Variants in CDH22 observed in about 807,000 individuals in gnomAD.
CDH22 encodes the protein cadherin 22.
CDH22 carries 30 observed loss-of-function variants against 58.4 expected under a neutral mutation model. The ratio of observed to expected loss-of-function variants is 0.51; its 90% CI spans 0.38 to 0.70. The LOEUF (loss-of-function observed/expected upper bound fraction) is 0.70, where lower values mean the gene tolerates loss of function less well. CDH22 is among the 30% of genes least tolerant of loss of function. CDH22 has a pLI of 0.00. For missense variants in CDH22, 1,014 were observed against 1,233.9 expected (o/e 0.82, Z 2.67); for synonymous variants, 513 against 558.2 (o/e 0.92, Z 1.14).
intron 4 of CDH22, among the ~76,000 whole-genome samples, chr20:46,218,017 G>A (rs1245294614): frequency 2.6e-5 from 4 of 151,546 alleles, no homozygotes; most frequent in Non-Finnish European, 4.4e-5. Context: ...ACCTCCTCCC[G>A]GGTTCAAGCA....
chr20:46,241,848 T>C lies in CDH22; in HGVS notation c.256-591A>G, dbSNP rs1336148509. 1.3e-5 allele frequency among the ~76,000 whole-genome samples: 2 copies of C among 152,196 alleles called. No individual in the cohort carries two copies. The highest frequency in any genetic ancestry group is 2.9e-5 in the Non-Finnish European group (2 of 68,038). On this transcript the variant is annotated intron_variant, in intron 2 of 11. Transcript: ENST00000537909. The surrounding 1 kb of genome is among the most constrained non-coding windows in gnomAD (Gnocchi z 5.2). ...AACTCTAGTATGCATGCAGTTCACCTGGGGATCTTGTTAAAATGCAGATTC... is the reference window on the plus strand; with the variant it reads ...AACTCTAGTATGCATGCAGTTCACCCGGGGATCTTGTTAAAATGCAGATTC...
chr20:46,272,878 G>T (rs2086499007), intron 1 of CDH22, among the ~76,000 whole-genome samples: 1 of 152,146 alleles, frequency 6.6e-6, no homozygotes, highest in Non-Finnish European at 1.5e-5. Context: ...CATTGTACTT[G>T]AATTTTATTT....
chr20:46,277,629 G>A (rs2086525584), intron 1 of CDH22, among the ~76,000 whole-genome samples: 2 of 152,070 alleles, frequency 1.3e-5, no homozygotes, highest in Admixed American at 6.6e-5. Flanking sequence ...AGAGTGGGGT[G>A]GAGGAAATCA....
intron 1 of CDH22, among the ~76,000 whole-genome samples, chr20:46,297,228 C>A (rs2086632784): frequency 6.6e-6 from 1 of 152,010 alleles, no homozygotes; most frequent in Admixed American, 6.6e-5. Context: ...GAGGTCAGGG[C>A]TCTGTGAGTA....
chr20:46,248,103 C>T (rs2086343784), intron 2 of CDH22, among the ~76,000 whole-genome samples: 1 of 151,352 alleles, frequency 6.6e-6, no homozygotes, highest in African/African-American at 2.4e-5. Context: ...GCTGTGTAGA[C>T]TTGGCATGAT....
intron 4 of CDH22, among the ~76,000 whole-genome samples, chr20:46,224,104 C>T (rs1042045637): frequency 6.6e-6 from 1 of 152,172 alleles, no homozygotes; most frequent in Non-Finnish European, 1.5e-5. Flanking sequence ...CCACCCGCTT[C>T]GGCCTCCCAA....
intron 2 of CDH22, among the ~76,000 whole-genome samples, chr20:46,243,159 G>A (rs1035398907): frequency 3.3e-5 from 5 of 152,164 alleles, no homozygotes; most frequent in Non-Finnish European, 7.3e-5. Context: ...CACTAGGCAG[G>A]AGAACAGGTG....
At chr20:46,279,295 G>A (rs902177152) in intron 1 of CDH22, among the ~76,000 whole-genome samples, 1 of 152,222 alleles carries the variant, frequency 6.6e-6, no homozygotes, top group African/African-American at 2.4e-5. Flanking sequence ...GTCAGTGTGA[G>A]AGAAATATCA....
intron 6 of CDH22, among the ~76,000 whole-genome samples, chr20:46,212,267 T>A (rs2086048717): frequency 6.9e-6 from 1 of 145,594 alleles, no homozygotes; most frequent in Non-Finnish European, 1.5e-5. Flanking sequence ...ATTCTGTCGC[T>A]GGAGATATAC....
intron 1 of CDH22, among the ~76,000 whole-genome samples, chr20:46,304,791 C>T (rs912434437): frequency 6.6e-6 from 1 of 152,178 alleles, no homozygotes; most frequent in Non-Finnish European, 1.5e-5. Flanking sequence ...ATCCTTAACC[C>T]CCAGATGGGC....
At chr20:46,199,602 C>A (rs1210753313) in intron 7 of CDH22, 43 bp from the exon 8 acceptor site, 1 of 1,598,408 alleles carries the variant, frequency 6.3e-7, no homozygotes, top group Non-Finnish European at 8.5e-7. Flanking sequence ...GCCCCAGTGC[C>A]AAATGGAGCC....
intron 11 of CDH22, among the ~76,000 whole-genome samples, chr20:46,176,304 A>G (rs751444982): frequency 2.7e-4 from 41 of 152,256 alleles, no homozygotes; most frequent in Middle Eastern, 3.4e-3. Context: ...TGTACATTCA[A>G]TTTCCTACTC....
chr20:46,227,632 G>GC lies in CDH22; in HGVS notation c.551-6dup. The GC allele has an allele frequency of 6.2e-7, 1 of 1,609,350 alleles. No homozygotes were observed. Among genetic ancestry groups the GC allele is most frequent in the Non-Finnish European group, 8.5e-7 (1 of 1,178,286 alleles). ...TCACCTGCATCACCGACGTGCCTGG[G>GC]CCCGGGGGACCAAGCGAGACAGGGG... On this transcript the variant is annotated splice_region_variant and splice_polypyrimidine_tract_variant and intron_variant, in intron 3 of 11. Transcript: ENST00000537909.
intron 1 of CDH22, among the ~76,000 whole-genome samples, chr20:46,273,975 A>C (rs2086505132): frequency 6.6e-6 from 1 of 152,232 alleles, no homozygotes; most frequent in Non-Finnish European, 1.5e-5. Context: ...GCAGGGAGAG[A>C]GGAGGCAACA....
At chr20:46,269,902 G>C (rs1568679532) in intron 1 of CDH22, among the ~76,000 whole-genome samples, 1 of 152,202 alleles carries the variant, frequency 6.6e-6, no homozygotes, top group Non-Finnish European at 1.5e-5. Context: ...GGAGGCAGGG[G>C]CTGAGGTCTG....
In CDH22 at chr20:46,199,478, C is replaced by G; in HGVS notation, c.1368G>C (p.Gly456=). The G allele has an allele frequency of 6.2e-7, 1 of 1,613,866 alleles. No individual in the cohort carries two copies. Among genetic ancestry groups the G allele is most frequent in the Non-Finnish European group, 8.5e-7 (1 of 1,179,984 alleles). ...GCCAGCCGGCCGTCTCGCGGTCCAG[C>G]CCCTTGCCAGTCACGATGGCGCCTG... ...ADTGAIVTGK[G]LDRETAGWHN... is the part of the protein sequence containing the mutation. Residue 456 remains glycine, a synonymous_variant, in exon 8 of 12, where the codon GGG becomes GGC. Transcript: ENST00000537909.
In CDH22 at chr20:46,174,849, C is replaced by T. The variant is rs2085725653; in HGVS notation, c.2144G>A (p.Gly715Asp). The change falls in exon 12 of 12, where the codon GGC becomes GAC. Residue 715 changes from glycine to aspartate, a missense_variant. By Grantham distance (94) the Gly-to-Asp change is moderately conservative. Around this residue, in one of 2 missense-constraint regions of CDH22, gnomAD observed 208 missense variants for 195.2 expected, o/e 1.07. Coordinates refer to ENST00000537909, the MANE Select transcript of CDH22 (RefSeq NM_021248.3). The surrounding 1 kb of genome is among the most constrained non-coding windows in gnomAD (Gnocchi z 4.4). ...SAGGGAGGGS[G>D]GGAGSPPQAH... The stretch of plus-strand genomic sequence containing the variant: ...CTGCGGGGGGCTGCCCGCGCCCCCG[C>T]CCGAGCCCCCGCCCGCTCCCCCGCC... 5.4e-6 allele frequency: 7 copies of T among 1,293,234 alleles called. No individual in the cohort carries two copies. Among genetic ancestry groups the T allele is most frequent in the Non-Finnish European group, 6.9e-6 (7 of 1,015,872 alleles). 80.1% of individuals were successfully genotyped at this position (1,293,234 alleles called of 1,614,324 possible).
intron 8 of CDH22, among the ~76,000 whole-genome samples, chr20:46,194,891 G>A (rs1568654128): frequency 4.6e-5 from 7 of 152,154 alleles, no homozygotes; most frequent in Middle Eastern, 3.4e-3. Flanking sequence ...CACCACACCC[G>A]GCTAATTTTC....
chr20:46,205,662 CCTAA>C (rs1348180606), intron 7 of CDH22, among the ~76,000 whole-genome samples: 2 of 152,302 alleles, frequency 1.3e-5, no homozygotes, highest in East Asian at 1.9e-4. Context: ...TGCAAACCTG[CCTAA>C]CTGAGAGGTG....
Sources: allele counts gnomAD v4.1 joint callset (sites outside exome capture counted in the v4.1 genomes callset), GRCh38; gene constraint gnomAD v4.1.1; regional missense constraint gnomAD v4.1.1; non-coding constraint Gnocchi (gnomAD v3.1); transcripts MANE v1.5; gene names NCBI Gene and HGNC (gene_info 2026-07-23, HGNC 2026-07-21).